Variants in SLC25A21 observed in about 807,000 individuals in gnomAD.
SLC25A21 encodes the protein mitochondrial 2-oxodicarboxylate carrier.
Under a neutral mutation model 43.8 loss-of-function variants are expected in SLC25A21, and 47 were observed. The ratio of observed to expected loss-of-function variants is 1.07; its 90% confidence interval spans 0.85 to 1.37. The LOEUF is 1.37. SLC25A21 is among the 40% of genes most tolerant of loss of function. SLC25A21 has a pLI of 0.00. For missense variants in SLC25A21, 352 were observed against 350.2 expected (o/e 1.00, Z -0.04); for synonymous variants, 131 against 121.3 (o/e 1.08, Z -0.52).
intron 1 of SLC25A21, among the ~76,000 whole-genome samples, chr14:37,110,572 A>G (rs1361827125): frequency 2.6e-5 from 4 of 152,180 alleles, no homozygotes; most frequent in Non-Finnish European, 5.9e-5. Context: ...CACAGGAGAG[A>G]GAGCAATTAG....
intron 3 of SLC25A21, among the ~76,000 whole-genome samples, chr14:36,810,460 G>T (rs1294597423): frequency 1.3e-5 from 2 of 152,076 alleles, no homozygotes; most frequent in Non-Finnish European, 2.9e-5. Flanking sequence ...AATAAACTAT[G>T]ATTTTCTTAA....
intron 1 of SLC25A21, among the ~76,000 whole-genome samples, chr14:36,967,585 C>T (rs534562112): frequency 1.1e-4 from 17 of 152,222 alleles, no homozygotes; most frequent in Non-Finnish European, 2.1e-4. Flanking sequence ...GCAACTCAGC[C>T]TTGCTCCTAA....
At chr14:37,074,681 A>C (rs1052544410) in intron 1 of SLC25A21, among the ~76,000 whole-genome samples, 1 of 151,888 alleles carries the variant, frequency 6.6e-6, no homozygotes, top group Admixed American at 6.6e-5. Context: ...AAAATACAAA[A>C]AGTTAGCCAG....
chr14:36,824,372 ATGTTACCAAGATTT>A (rs1277112335), intron 2 of SLC25A21, among the ~76,000 whole-genome samples: 2 of 152,166 alleles, frequency 1.3e-5, no homozygotes, highest in South Asian at 4.1e-4. Context: ...TTAACCTCAC[ATGTTACCAAGATTT>A]GGATTGGTTG....
intron 1 of SLC25A21, among the ~76,000 whole-genome samples, chr14:37,049,392 G>A: frequency 6.6e-6 from 1 of 151,870 alleles, no homozygotes; most frequent in East Asian, 1.9e-4. Context: ...TGGGCAACAT[G>A]GTGAGACCCC....
chr14:36,787,059 C>T (rs1334392184), intron 3 of SLC25A21, among the ~76,000 whole-genome samples: 1 of 152,202 alleles, frequency 6.6e-6, no homozygotes, highest in Non-Finnish European at 1.5e-5. Flanking sequence ...CAGTGTCAGG[C>T]AGGGACTGGG....
chr14:36,938,028 G>A (rs150177551), intron 1 of SLC25A21, among the ~76,000 whole-genome samples: 1,978 of 151,972 alleles, frequency 0.013, 36 homozygotes, highest in African/African-American at 0.044. Flanking sequence ...TTTTTTAATG[G>A]CAACTCGATA....
intron 9 of SLC25A21, 138 bp downstream of exon 9, chr14:36,683,690 C>G (rs1882395123): frequency 3.6e-6 from 2 of 562,672 alleles, no homozygotes; most frequent in Non-Finnish European, 6.2e-6. Context: ...CTCAAATACT[C>G]ATAGACAACT....
At chr14:36,777,857 T>C (rs756179672) in intron 3 of SLC25A21, among the ~76,000 whole-genome samples, 3 of 152,238 alleles carry the variant, frequency 2.0e-5, no homozygotes, top group Non-Finnish European at 4.4e-5. Flanking sequence ...CCTCTTTACT[T>C]ATTAATGATT....
chr14:37,163,320 AAAG>A (rs1963980681), intron 1 of SLC25A21, among the ~76,000 whole-genome samples: 1 of 151,002 alleles, frequency 6.6e-6, no homozygotes, highest in African/African-American at 2.4e-5. Context: ...AAATAAATAA[AAAG>A]AAATTTCTGT....
intron 1 of SLC25A21, among the ~76,000 whole-genome samples, chr14:37,072,985 C>A (rs909816991): frequency 2.0e-5 from 3 of 152,212 alleles, no homozygotes; most frequent in African/African-American, 7.2e-5. Context: ...CAACGTGTCA[C>A]TCTTTATCTT....
chr14:36,773,180 G>T (rs946086407), intron 3 of SLC25A21, among the ~76,000 whole-genome samples: 2 of 132,448 alleles, frequency 1.5e-5, no homozygotes, highest in African/African-American at 5.0e-5. Context: ...GACAGATTTC[G>T]AGAAGGAAAA....
chr14:37,085,913 G>A (rs914942883), intron 1 of SLC25A21, among the ~76,000 whole-genome samples: 2 of 152,142 alleles, frequency 1.3e-5, no homozygotes, highest in Admixed American at 1.3e-4. Flanking sequence ...AGACCATCCT[G>A]GCTAACACGG....
chr14:36,836,597 G>C (rs1283457620), intron 2 of SLC25A21, among the ~76,000 whole-genome samples: 1 of 151,914 alleles, frequency 6.6e-6, no homozygotes, highest in East Asian at 1.9e-4. Flanking sequence ...TGATCTCTGG[G>C]CTCTGCAACA....
intron 1 of SLC25A21, among the ~76,000 whole-genome samples, chr14:36,884,987 T>C (rs1890872520): frequency 6.6e-6 from 1 of 152,152 alleles, no homozygotes; most frequent in Non-Finnish European, 1.5e-5. Context: ...CGCAATTCCA[T>C]TTGTCTATTT....
chr14:37,008,614 A>T (rs1164857539), intron 1 of SLC25A21, among the ~76,000 whole-genome samples: 1 of 152,204 alleles, frequency 6.6e-6, no homozygotes, highest in Non-Finnish European at 1.5e-5. Context: ...CTGTTAGAGA[A>T]GCACCCCATA....
At chr14:36,897,148 C>T in intron 1 of SLC25A21, among the ~76,000 whole-genome samples, 2 of 152,154 alleles carry the variant, frequency 1.3e-5, no homozygotes, top group Non-Finnish European at 2.9e-5. Context: ...CAACTTGGTT[C>T]CATTCTCCCC....
intron 1 of SLC25A21, among the ~76,000 whole-genome samples, chr14:36,980,591 C>A (rs1959997518): frequency 6.6e-6 from 1 of 152,226 alleles, no homozygotes; most frequent in Non-Finnish European, 1.5e-5. Context: ...GTTATCAGCA[C>A]TGTCAGGTCA....
chr14:36,802,430 A>G (rs1887898947), intron 3 of SLC25A21, among the ~76,000 whole-genome samples: 2 of 152,204 alleles, frequency 1.3e-5, no homozygotes, highest in South Asian at 4.1e-4. Context: ...ACTAGCTAAC[A>G]ATCATTATGT....
Sources: allele counts gnomAD v4.1 joint callset (sites outside exome capture counted in the v4.1 genomes callset), GRCh38; gene constraint gnomAD v4.1.1; transcripts MANE v1.5; gene names NCBI Gene and HGNC (gene_info 2026-07-23, HGNC 2026-07-21).